Variants in SLC4A4 observed in about 807,000 individuals in gnomAD.
The protein encoded by SLC4A4 is solute carrier family 4 member 4, also known as electrogenic sodium bicarbonate cotransporter 1.
A neutral mutation model predicts 111.5 loss-of-function variants in SLC4A4; 27 were observed. The ratio of observed to expected loss-of-function variants is 0.24; its 90% confidence interval spans 0.18 to 0.33. The LOEUF is 0.33. Among genes scored for constraint, SLC4A4 ranks in the 10% least tolerant of loss-of-function variants. SLC4A4 has a pLI of 1.00. For synonymous variants in SLC4A4, 443 were observed against 463.4 expected (o/e 0.96, Z 0.57); for missense variants, 909 against 1,315.5 (o/e 0.69, Z 4.78).
At chr4:71,500,941 T>A (rs947254659) in intron 16 of SLC4A4, among the ~76,000 whole-genome samples, 13 of 152,180 alleles carry the variant, frequency 8.5e-5, no homozygotes, top group Admixed American at 2.0e-4. Context: ...CTATTTGGGG[T>A]CTTTTGTGAT....
chr4:71,443,758 C>T (rs970438664), intron 8 of SLC4A4, among the ~76,000 whole-genome samples: 19 of 152,016 alleles, frequency 1.2e-4, no homozygotes, highest in Non-Finnish European at 2.5e-4. Context: ...AGAATGTTTA[C>T]CCTCTTAGTG....
At chr4:71,391,448 T>G (rs533065804) in intron 6 of SLC4A4, among the ~76,000 whole-genome samples, 31 of 152,226 alleles carry the variant, frequency 2.0e-4, no homozygotes, top group African/African-American at 7.2e-4. Flanking sequence ...CCCCTTTTTA[T>G]TGTAACTAAT....
At chr4:71,415,895 G>A (rs1721783114) in intron 7 of SLC4A4, among the ~76,000 whole-genome samples, 1 of 152,126 alleles carries the variant, frequency 6.6e-6, no homozygotes, top group African/African-American at 2.4e-5. Flanking sequence ...TCAGCATTGT[G>A]CATAAATACT....
At position 71,567,057 on chromosome 4, in the gene SLC4A4, T is replaced by C. The variant is rs200301069; in HGVS notation, c.*10T>C. The C allele has an allele frequency of 6.2e-7, 1 of 1,610,036 alleles. No individual in the cohort carries two copies. The highest frequency in any genetic ancestry group is 2.2e-5 in the East Asian group (1 of 44,702). On this transcript the variant is annotated 3_prime_UTR_variant, in exon 25 of 26. Coordinates refer to ENST00000264485, the MANE Select transcript of SLC4A4 (RefSeq NM_001098484.3). ...CCACACATCATGCTGATAAAATTCC[T>C]TTCCTTCAGTCACTCGGTATGCCAA...
At chr4:71,328,299 C>A (rs959971246) in intron 3 of SLC4A4, among the ~76,000 whole-genome samples, 7 of 152,104 alleles carry the variant, frequency 4.6e-5, no homozygotes, top group African/African-American at 1.4e-4. Context: ...CATGGGAGTA[C>A]AGATATCTCT....
At chr4:71,129,040 G>A (rs1439905350) in intron 2 of SLC4A4, among the ~76,000 whole-genome samples, 1 of 152,092 alleles carries the variant, frequency 6.6e-6, no homozygotes, top group African/African-American at 2.4e-5. Context: ...ATACCATTCT[G>A]GACATAGGAT....
intron 16 of SLC4A4, among the ~76,000 whole-genome samples, chr4:71,511,497 C>T (rs968389851): frequency 6.6e-6 from 1 of 151,830 alleles, no homozygotes; most frequent in African/African-American, 2.4e-5. Context: ...AAGCTGAGTG[C>T]TAATTTTCTC....
rs1303920069 is a variant in SLC4A4, at chr4:71,493,226, AAT to A, written c.1975-4272_1975-4271del. ...ATAAATATTGAATAATTTTAGTATA[AAT>A]ATGTCCTAAATGTTACATATGAAAC... On this transcript the variant is annotated intron_variant, in intron 15 of 25. Coordinates refer to ENST00000264485, the MANE Select transcript of SLC4A4 (RefSeq NM_001098484.3). 2.0e-5 allele frequency among the ~76,000 whole-genome samples: 3 copies of A among 152,152 alleles called. No individual in the cohort carries two copies. In the South Asian group the frequency reaches 6.2e-4, roughly 32 times the overall value.
chr4:71,409,606 A>G (rs1378730620), intron 7 of SLC4A4, among the ~76,000 whole-genome samples: 1 of 152,252 alleles, frequency 6.6e-6, no homozygotes, highest in Non-Finnish European at 1.5e-5. Flanking sequence ...GAAGGGAAAC[A>G]GAGCATAAAA....
intron 3 of SLC4A4, among the ~76,000 whole-genome samples, chr4:71,334,965 A>T (rs565199810): frequency 6.6e-6 from 1 of 152,188 alleles, no homozygotes. Context: ...TTAGAAATGG[A>T]CAAAAGGTTG....
intron 8 of SLC4A4, among the ~76,000 whole-genome samples, chr4:71,442,812 G>A (rs1220416662): frequency 6.6e-6 from 1 of 151,836 alleles, no homozygotes; most frequent in Middle Eastern, 3.2e-3. Context: ...AGGAAATATG[G>A]CTCTAGCAGC....
chr4:71,098,699 T>C (rs552369710), intron 2 of SLC4A4, among the ~76,000 whole-genome samples: 21 of 152,164 alleles, frequency 1.4e-4, no homozygotes, highest in Middle Eastern at 3.4e-3. Flanking sequence ...GACCCAATGG[T>C]GGGTTGTCTT....
chr4:71,508,979 AC>A (rs1267682579), intron 16 of SLC4A4, among the ~76,000 whole-genome samples: 1 of 152,236 alleles, frequency 6.6e-6, no homozygotes, highest in Admixed American at 6.5e-5. Context: ...GATTCATCAC[AC>A]AACCAGAACT....
intron 5 of SLC4A4, among the ~76,000 whole-genome samples, chr4:71,354,540 T>C (rs1730115923): frequency 6.6e-6 from 1 of 152,184 alleles, no homozygotes; most frequent in African/African-American, 2.4e-5. Flanking sequence ...ACATATATTA[T>C]CTTAGTTAAT....
chr4:71,224,067 C>A (rs996390477), intron 1 of SLC4A4, among the ~76,000 whole-genome samples: 1 of 152,110 alleles, frequency 6.6e-6, no homozygotes, highest in African/African-American at 2.4e-5. Context: ...GGAATGCGGG[C>A]TCTCACAATC....
chr4:71,192,551 C>T (rs1418947229), intron 1 of SLC4A4, among the ~76,000 whole-genome samples: 2 of 152,156 alleles, frequency 1.3e-5, no homozygotes, highest in East Asian at 3.9e-4. Context: ...AAGAGGTAGA[C>T]AGAAGTAAGA....
intron 2 of SLC4A4, among the ~76,000 whole-genome samples, chr4:71,156,651 T>C (rs1397999831): frequency 2.0e-5 from 3 of 150,648 alleles, no homozygotes; most frequent in African/African-American, 7.3e-5. Context: ...TATATAGAAA[T>C]ACCATATCAA....
At chr4:71,360,147 C>T (rs1198934580) in intron 6 of SLC4A4, among the ~76,000 whole-genome samples, 3 of 152,126 alleles carry the variant, frequency 2.0e-5, no homozygotes, top group Non-Finnish European at 4.4e-5. Context: ...TGTTTCACTA[C>T]ATTTTACTGT....
chr4:71,526,175 T>G (rs1733400503), intron 16 of SLC4A4, among the ~76,000 whole-genome samples: 1 of 152,076 alleles, frequency 6.6e-6, no homozygotes, highest in South Asian at 2.1e-4. Flanking sequence ...ATTAGGGGAT[T>G]TAGAGTTGAA....
Sources: allele counts gnomAD v4.1 joint callset (sites outside exome capture counted in the v4.1 genomes callset), GRCh38; gene constraint gnomAD v4.1.1; transcripts MANE v1.5; gene names NCBI Gene and HGNC (gene_info 2026-07-23, HGNC 2026-07-21).